The following SCNN1B variants were observed in gnomAD, a reference collection of about 807,000 sequenced individuals.
The protein encoded by SCNN1B is epithelial sodium channel subunit beta.
SCNN1B carries 46 observed loss-of-function variants against 65.3 expected under a neutral mutation model. The ratio of observed to expected loss-of-function variants is 0.70; its 90% CI spans 0.56 to 0.90. The LOEUF is 0.90. Ranked by LOEUF, SCNN1B falls within the 40% of genes least tolerant of loss-of-function variation. The pLI is 0.00. For synonymous variants in SCNN1B, 349 were observed against 330.6 expected (o/e 1.06, Z -0.60); for missense variants, 751 against 830.5 (o/e 0.90, Z 1.18).
intron 2 of SCNN1B, among the ~76,000 whole-genome samples, chr16:23,349,761 G>A (rs958817645): frequency 2.0e-5 from 3 of 152,010 alleles, no homozygotes; most frequent in Non-Finnish European, 2.9e-5. Context: ...CCACAAAGTT[G>A]TCCCCACAAA....
At chr16:23,344,092 G>A (rs1596855699) in intron 1 of SCNN1B, among the ~76,000 whole-genome samples, 1 of 152,184 alleles carries the variant, frequency 6.6e-6, no homozygotes. Flanking sequence ...TAGTACTGTT[G>A]TTTACTTAAA....
chr16:23,380,934 C>A lies in SCNN1B; in HGVS notation c.*133C>A. 2 of 968,304 alleles carry A rather than the reference C, an allele frequency of 2.1e-6. No individual in the cohort carries two copies. The highest frequency in any genetic ancestry group is 3.3e-6 in the Non-Finnish European group (2 of 605,714). 60.0% of individuals were successfully genotyped at this position (968,304 alleles called of 1,614,324 possible). On this transcript the variant is annotated 3_prime_UTR_variant, in exon 13 of 13. Transcript: ENST00000343070. This position sits in a 1 kb window ranked among gnomAD's most constrained non-coding sequence, Gnocchi z 5.4. Reference sequence around the variant, plus strand: ...CCAGGCCAGAGCTTGTGTCCTTCAACAGAGAGGCCAGCGGCAACTGGTCCG... The same window carrying A: ...CCAGGCCAGAGCTTGTGTCCTTCAAAAGAGAGGCCAGCGGCAACTGGTCCG...
At chr16:23,353,213 AT>A (rs763943350) in intron 3 of SCNN1B, 139 bp downstream of exon 3, 212 of 1,060,218 alleles carry the variant, frequency 2.0e-4, no homozygotes, top group Non-Finnish European at 2.8e-4. Flanking sequence ...GTTTGCAGAG[AT>A]TTTTTAAAAA....
At chr16:23,327,968 A>T (rs1444822996) in intron 1 of SCNN1B, among the ~76,000 whole-genome samples, 3 of 152,178 alleles carry the variant, frequency 2.0e-5, no homozygotes, top group Non-Finnish European at 4.4e-5. Context: ...GGCTGCTGGG[A>T]TGGAGGCCTA....
In SCNN1B at chr16:23,380,174, G is replaced by A; in HGVS notation, c.1542+5G>A. ...GAAGAATCAGCAGCCAATAACGTGA[G>A]TTTAGGAGTCTCCCAATACCCCAGC... On this transcript the variant is annotated splice_donor_5th_base_variant and intron_variant, in intron 12 of 12. Transcript: ENST00000343070. This position sits in a 1 kb window ranked among gnomAD's most constrained non-coding sequence, Gnocchi z 5.4. The A allele has an allele frequency of 6.2e-7, 1 of 1,612,966 alleles. No homozygotes were observed. The highest frequency in any genetic ancestry group is 8.5e-7 in the Non-Finnish European group (1 of 1,178,978).
chr16:23,337,890 A>T (rs1961977104), intron 1 of SCNN1B, among the ~76,000 whole-genome samples: 1 of 151,604 alleles, frequency 6.6e-6, no homozygotes, highest in African/African-American at 2.4e-5. Context: ...ACATGGCAAA[A>T]CCCCATTTCT....
rs1334389233 is a variant in SCNN1B, at chr16:23,371,461, T to C, written c.1043T>C (p.Val348Ala). The C allele has an allele frequency of 6.2e-7, 1 of 1,613,420 alleles. No homozygotes were observed. The highest frequency in any genetic ancestry group is 8.5e-7 in the Non-Finnish European group (1 of 1,179,974). The change falls in exon 6 of 13, where the codon GTG becomes GCG. Residue 348 changes from valine (V) to alanine (A), a missense_variant and splice_region_variant. By Grantham distance (64) the Val-to-Ala change is moderately conservative. Transcript: ENST00000343070. ...SGTETSIGVL[V>A]DKLQRMGEPY... Reference sequence around the variant, plus strand: ...ACAGAGACGTCCATCGGGGTACTCGTGGTATGGCCGGAGCCCAAGGGCAGT... The same window carrying C: ...ACAGAGACGTCCATCGGGGTACTCGCGGTATGGCCGGAGCCCAAGGGCAGT...
intron 7 of SCNN1B, among the ~76,000 whole-genome samples, chr16:23,375,117 T>G (rs910312871): frequency 1.3e-5 from 2 of 151,964 alleles, no homozygotes; most frequent in Admixed American, 1.3e-4. Context: ...TGGGGCCGAG[T>G]GAGTGGAGAC....
chr16:23,305,581 A>ATATATATAAATAT (rs1961198569), intron 1 of SCNN1B, among the ~76,000 whole-genome samples: 1 of 33,410 alleles, frequency 3.0e-5, no homozygotes, highest in African/African-American at 1.8e-4. Flanking sequence ...TATATATTAT[A>ATATATATAAATAT]TATATATATA....
At chr16:23,359,883 G>T (rs1037852073) in intron 4 of SCNN1B, among the ~76,000 whole-genome samples, 1 of 152,202 alleles carries the variant, frequency 6.6e-6, no homozygotes, top group Non-Finnish European at 1.5e-5. Context: ...CTGGCACATA[G>T]TAAACATTAT....
At chr16:23,373,133 A>G (rs757953623) in intron 7 of SCNN1B, among the ~76,000 whole-genome samples, 1 of 151,956 alleles carries the variant, frequency 6.6e-6, no homozygotes, top group Non-Finnish European at 1.5e-5. Flanking sequence ...TAAAATAAAA[A>G]AGAGAGACAG....
At position 23,348,715 on chromosome 16, in the gene SCNN1B, A is replaced by G; in HGVS notation, c.116A>G (p.Lys39Arg). Residue 39 changes from lysine (K) to arginine (R), a missense_variant, in exon 2 of 13, where the codon AAG becomes AGG. Lys to Arg is a conservative substitution (Grantham distance 26, BLOSUM62 2). Transcript: ENST00000343070. This position sits in a 1 kb window ranked among gnomAD's most constrained non-coding sequence, Gnocchi z 4.5. Reference protein sequence around the residue: ...YCDNTNTHGPKRIICEGPKKK... With the variant: ...YCDNTNTHGPRRIICEGPKKK... ...GACAACACCAACACCCACGGCCCCA[A>G]GCGCATCATCTGTGAGGGGCCCAAG... The G allele has an allele frequency of 6.2e-7, 1 of 1,614,150 alleles. No individual in the cohort carries two copies. Among genetic ancestry groups the G allele is most frequent in the Non-Finnish European group, 8.5e-7 (1 of 1,180,030 alleles).
Position 23,355,357 on chromosome 16 carries a change from T to C in SCNN1B, c.644T>C (p.Leu215Ser). ...FRNFTSATQA[L>S]TEWYILQATN... ...AACTTCACCAGTGCTACCCAGGCAT[T>C]GACAGAGTGGTACATCCTGCAGGCC... Residue 215 changes from leucine to serine, a missense_variant, in exon 4 of 13, where the codon TTG becomes TCG. Coordinates refer to ENST00000343070, the MANE Select transcript of SCNN1B (RefSeq NM_000336.3). 1 of 1,614,054 alleles carries C rather than the reference T, an allele frequency of 6.2e-7. No individual in the cohort carries two copies. Among genetic ancestry groups the C allele is most frequent in the Non-Finnish European group, 8.5e-7 (1 of 1,179,998 alleles).
At chr16:23,346,341 C>T (rs2142014344) in intron 1 of SCNN1B, among the ~76,000 whole-genome samples, 1 of 151,334 alleles carries the variant, frequency 6.6e-6, no homozygotes, top group African/African-American at 2.4e-5. Context: ...AGTTCTCCTG[C>T]CTCAGCCTCC....
At chr16:23,371,551 G>T in intron 6 of SCNN1B, 89 bp downstream of exon 6, 1 of 1,364,588 alleles carries the variant, frequency 7.3e-7, no homozygotes, top group East Asian at 2.4e-5. Context: ...TGGGAGGAGG[G>T]GATCTGGGCC....
rs767553868 is a variant in SCNN1B, at chr16:23,377,378, G to C, written c.1396G>C (p.Ala466Pro). 2 of 1,614,052 alleles carry C rather than the reference G, an allele frequency of 1.2e-6. No individual in the cohort carries two copies. Among genetic ancestry groups the C allele is most frequent in the African/African-American group, 2.7e-5 (2 of 74,934 alleles). ...CTCCATGGCTGACTGGCCTTCTGAG[G>C]CCTCCGAGGTGAGACAGTTGGGGGC... The part of the protein sequence containing the change: ...TISMADWPSE[A>P]SEDWIFHVLS... Residue 466 changes from alanine (A) to proline (P), a missense_variant, in exon 10 of 13, where the codon GCC (alanine) becomes CCC (proline). Physicochemically the swap from Ala to Pro is conservative, Grantham distance 27. Transcript: ENST00000343070.
intron 1 of SCNN1B, among the ~76,000 whole-genome samples, chr16:23,336,294 T>C (rs1030472424): frequency 2.6e-5 from 4 of 152,132 alleles, no homozygotes; most frequent in Middle Eastern, 3.4e-3. Context: ...AGAGAGCATA[T>C]GTCCTTGGAC....
In SCNN1B at chr16:23,380,415, C is replaced by T. The variant is rs763567004; in HGVS notation, c.1543-6C>T. Reference sequence around the variant, plus strand: ...TGAGCTCACCCCAGCTCCCTGTTCCCCACAGATCGTCTGGCTGCTCTCGAA... The same window carrying T: ...TGAGCTCACCCCAGCTCCCTGTTCCTCACAGATCGTCTGGCTGCTCTCGAA... On this transcript the variant is annotated splice_region_variant and splice_polypyrimidine_tract_variant and intron_variant, in intron 12 of 12. Coordinates refer to ENST00000343070, the MANE Select transcript of SCNN1B (RefSeq NM_000336.3). The surrounding 1 kb of genome is among the most constrained non-coding windows in gnomAD (Gnocchi z 5.4). The T allele has an allele frequency of 4.3e-6, 7 of 1,614,156 alleles. No homozygotes were observed. The East Asian group carries it at 1.6e-4, about 36-fold the overall frequency.
intron 7 of SCNN1B, among the ~76,000 whole-genome samples, chr16:23,374,217 G>A (rs998267453): frequency 1.4e-5 from 2 of 139,150 alleles, no homozygotes; most frequent in Admixed American, 8.1e-5. Flanking sequence ...AGAGAGTTAT[G>A]AGCGTGCCAC....
Sources: allele counts gnomAD v4.1 joint callset (sites outside exome capture counted in the v4.1 genomes callset), GRCh38; gene constraint gnomAD v4.1.1; non-coding constraint Gnocchi (gnomAD v3.1); transcripts MANE v1.5; gene names NCBI Gene and HGNC (gene_info 2026-07-23, HGNC 2026-07-21).